Variants in FAM227A observed in about 807,000 individuals in gnomAD.
The protein encoded by FAM227A is protein FAM227A.
Under a neutral mutation model 74.7 loss-of-function variants are expected in FAM227A, and 80 were observed. The observed-to-expected ratio is 1.07, with a 90% CI of 0.89 to 1.29. The LOEUF (loss-of-function observed/expected upper bound fraction) is 1.29, where lower values mean the gene tolerates loss of function less well. Among genes scored for constraint, FAM227A ranks in the 50% most tolerant of loss-of-function variants. The probability of loss-of-function intolerance (pLI) is 0.00; values close to 1 mark genes in which losing one functional copy is unlikely to be tolerated. For missense variants in FAM227A, 654 were observed against 683.4 expected (o/e 0.96, Z 0.48); for synonymous variants, 237 against 241.8 (o/e 0.98, Z 0.19).
At chr22:38,598,957 C>CCTT (rs539075102) in intron 14 of FAM227A, among the ~76,000 whole-genome samples, 1 of 136,276 alleles carries the variant, frequency 7.3e-6, no homozygotes, top group East Asian at 2.1e-4. Context: ...TGTTTTCTTT[C>CCTT]TTTTTTTTTT....
chr22:38,612,993 T>G (rs528709709), intron 11 of FAM227A, among the ~76,000 whole-genome samples: 249 of 141,412 alleles, frequency 1.8e-3, no homozygotes, highest in Non-Finnish European at 3.0e-3. Context: ...GAGGCCTTCT[T>G]TCACTGTCTT....
intron 15 of FAM227A, among the ~76,000 whole-genome samples, chr22:38,593,641 T>C (rs5757160): frequency 0.35 from 53,525 of 152,026 alleles, 9,776 homozygotes; most frequent in East Asian, 0.47. Flanking sequence ...CCTCCCTCAC[T>C]TACATGTTCA....
intron 3 of FAM227A, among the ~76,000 whole-genome samples, chr22:38,643,615 T>A (rs187588740): frequency 2.4e-3 from 370 of 152,056 alleles, no homozygotes; most frequent in African/African-American, 8.7e-3. Context: ...AAAACTAAAC[T>A]CTCACCATAG....
At chr22:38,650,898 C>T (rs1052430200) in intron 1 of FAM227A, among the ~76,000 whole-genome samples, 3 of 152,104 alleles carry the variant, frequency 2.0e-5, no homozygotes, top group African/African-American at 4.8e-5. Flanking sequence ...TGATAGGCCT[C>T]GTTATAATAC....
At chr22:38,618,562 C>G (rs989583091) in intron 11 of FAM227A, 59 of 152,166 alleles carry the variant, frequency 3.9e-4, no homozygotes, top group African/African-American at 1.4e-3. Context: ...TGTAAAAATA[C>G]TAACATCAAA....
chr22:38,636,475 A>G lies in FAM227A; in HGVS notation c.495T>C (p.Ala165=), dbSNP rs1157761028. The G allele has an allele frequency of 1.1e-5, 17 of 1,551,456 alleles. No individual in the cohort carries two copies. Among genetic ancestry groups the G allele is most frequent in the South Asian group, 2.4e-5 (2 of 84,044 alleles). Residue 165 remains alanine (A), a synonymous_variant, in exon 6 of 17, where the codon GCT becomes GCC. Coordinates refer to ENST00000535113, the MANE Select transcript of FAM227A (RefSeq NM_001013647.2). ...FCDMVGNVVR[A]ERDCLSGKHF... ...CCTTGCCACTAAGGCAGTCTCTCTC[A>G]GCCCGGACCACGTTGCCCACCATGT... is the stretch of plus-strand genomic sequence containing the variant.
chr22:38,599,663 C>A (rs557943631), intron 14 of FAM227A, 101 bp downstream of exon 14: 207 of 1,119,328 alleles, frequency 1.8e-4, no homozygotes, highest in Non-Finnish European at 2.4e-4. Context: ...GTGTGCCAGG[C>A]GCTGTGCTAA....
intron 12 of FAM227A, 61 bp downstream of exon 12, chr22:38,607,328 G>A (rs577911291): frequency 1.6e-5 from 21 of 1,289,734 alleles, no homozygotes; most frequent in Non-Finnish European, 2.2e-5. Context: ...CAAGAAACCA[G>A]GGTTTTGGAG....
intron 3 of FAM227A, among the ~76,000 whole-genome samples, chr22:38,645,087 AAAAT>A (rs61622403): frequency 0.3 from 45,647 of 149,758 alleles, 6,959 homozygotes; most frequent in Middle Eastern, 0.36. Context: ...CTCTGTCTCA[AAAAT>A]AAATAAATAA....
intron 6 of FAM227A, among the ~76,000 whole-genome samples, chr22:38,631,926 T>A (rs1208075209): frequency 1.3e-5 from 2 of 151,800 alleles, no homozygotes; most frequent in Admixed American, 6.6e-5. Flanking sequence ...AGACAGGAAG[T>A]TGTGGTGCCT....
In FAM227A at chr22:38,582,376, G is replaced by A. The variant is rs2090719367; in HGVS notation, c.*3749C>T. 6.5e-7 allele frequency: 1 copy of A among 1,550,378 alleles called. No homozygotes were observed. Among genetic ancestry groups the A allele is most frequent in the Admixed American group, 2.0e-5 (1 of 50,994 alleles). ...AACATCTGAATTTATCTTCTTCCAT[G>A]CTGAGAGTATGGGTTTTCAGCAACA... On this transcript the variant is annotated 3_prime_UTR_variant, in exon 17 of 17. Transcript: ENST00000535113.
chr22:38,654,033 G>A (rs2092356603), intron 1 of FAM227A, among the ~76,000 whole-genome samples: 1 of 152,166 alleles, frequency 6.6e-6, no homozygotes, highest in Non-Finnish European at 1.5e-5. Context: ...GGTGCTAAAG[G>A]AGGAGCACAA....
chr22:38,635,758 C>T (rs1002669129), intron 6 of FAM227A, among the ~76,000 whole-genome samples: 1 of 152,006 alleles, frequency 6.6e-6, no homozygotes, highest in Non-Finnish European at 1.5e-5. Flanking sequence ...TTTGGGAGGC[C>T]GAGGATGGGG....
intron 16 of FAM227A, among the ~76,000 whole-genome samples, chr22:38,588,385 G>A (rs1422802377): frequency 2.6e-5 from 4 of 152,152 alleles, no homozygotes; most frequent in Non-Finnish European, 4.4e-5. Context: ...TTGGGGGGCC[G>A]AGGTGGGTGG....
intron 11 of FAM227A, among the ~76,000 whole-genome samples, chr22:38,610,985 G>A (rs528497078): frequency 4.6e-5 from 7 of 152,260 alleles, no homozygotes; most frequent in East Asian, 1.9e-4. Flanking sequence ...ATTGGAACCC[G>A]GGAGGCAGAG....
chr22:38,640,668 C>A (rs2092095560), intron 3 of FAM227A, among the ~76,000 whole-genome samples: 1 of 152,198 alleles, frequency 6.6e-6, no homozygotes, highest in Non-Finnish European at 1.5e-5. Context: ...GCCAAATCAG[C>A]ACTCGTGGAA....
intron 14 of FAM227A, among the ~76,000 whole-genome samples, chr22:38,599,030 C>G (rs993483426): frequency 6.7e-6 from 1 of 149,352 alleles, no homozygotes; most frequent in Non-Finnish European, 1.5e-5. Flanking sequence ...GATCTCGGGT[C>G]ACTGCAACCT....
intron 15 of FAM227A, among the ~76,000 whole-genome samples, chr22:38,592,285 T>C (rs1461062703): frequency 6.6e-6 from 1 of 152,166 alleles, no homozygotes; most frequent in East Asian, 1.9e-4. Context: ...TATTTAGCAA[T>C]GCAACTGCTA....
chr22:38,638,930 C>A (rs917981801), intron 4 of FAM227A, 108 bp from the exon 5 acceptor site: 5 of 656,528 alleles, frequency 7.6e-6, no homozygotes, highest in Non-Finnish European at 1.3e-5. Context: ...CCAGAGGACA[C>A]TCCTACTACT....
Sources: allele counts gnomAD v4.1 joint callset (sites outside exome capture counted in the v4.1 genomes callset), GRCh38; gene constraint gnomAD v4.1.1; transcripts MANE v1.5; gene names NCBI Gene and HGNC (gene_info 2026-07-23, HGNC 2026-07-21).